The following PEX11B variants were observed in gnomAD, a reference collection of about 807,000 sequenced individuals.
The protein encoded by PEX11B is peroxisomal biogenesis factor 11 beta, also known as peroxisomal membrane protein 11B.
In PEX11B, 18 loss-of-function variants were observed where a neutral mutation model predicts 28.2. That is an observed-to-expected ratio of 0.64 (90% CI 0.44 to 0.95). PEX11B has a LOEUF of 0.95. Among genes scored for constraint, PEX11B ranks in the 40% least tolerant of loss-of-function variants. PEX11B has a pLI of 0.00. For synonymous variants in PEX11B, 128 were observed against 128.7 expected, an observed-to-expected ratio of 0.99 and a Z score of 0.04; for missense variants, 305 against 319.8, an observed-to-expected ratio of 0.95 and a Z score of 0.35.
At chr1:145,918,026 T>C (rs10910821) in intron 1 of PEX11B, 86,271 of 984,262 alleles carry the variant, frequency 0.088, 14,734 homozygotes, top group African/African-American at 0.66. Flanking sequence ...GGGAGCACTA[T>C]TGAATGTTGA....
At chr1:145,918,033 T>C (rs782449299) in intron 1 of PEX11B, 91 of 984,738 alleles carry the variant, frequency 9.2e-5, no homozygotes, top group Non-Finnish European at 1.1e-4. Flanking sequence ...CTATTGAATG[T>C]TGAGCAAATT....
chr1:145,918,494 GCCT>G, intron 1 of PEX11B, 136 bp downstream of exon 1: 5 of 1,537,486 alleles, frequency 3.3e-6, no homozygotes, highest in Non-Finnish European at 4.4e-6. Context: ...TCAAATCTGC[GCCT>G]CACGGTCCGT....
In PEX11B at chr1:145,918,672, C is replaced by A. The variant is rs782079038; in HGVS notation, c.17G>T (p.Arg6Leu). MDAWV[R>L]FSAQSQARER... ...CCGGGCTTGGCTCTGAGCACTGAAG[C>A]GGACCCAGGCGTCCATGACAGCCGC... The change falls in exon 1 of 4, where the codon CGC becomes CTC. Residue 6 changes from arginine (R) to leucine (L), a missense_variant. By Grantham distance (102) the Arg-to-Leu change is moderately radical (BLOSUM62 -2). Coordinates refer to ENST00000369306, the MANE Select transcript of PEX11B (RefSeq NM_003846.3). The A allele has an allele frequency of 7.6e-6, 12 of 1,583,624 alleles. No individual in the cohort carries two copies. Among genetic ancestry groups the A allele is most frequent in the Non-Finnish European group, 1.0e-5 (12 of 1,166,092 alleles).
chr1:145,913,271 T>C lies in PEX11B; in HGVS notation c.375-705A>G, dbSNP rs377347840. 1.8e-3 allele frequency among the ~76,000 whole-genome samples: 273 copies of C among 152,246 alleles called. 3 individuals are homozygous for C. The highest frequency in any genetic ancestry group is 0.013 in the South Asian group (65 of 4,828). ...CTATAGTTAACAATACTGTATTGTA[T>C]ATTTGAAATCTGCCAGGAAGGTAGA... is the stretch of plus-strand genomic sequence containing the variant. On this transcript the variant is annotated intron_variant, in intron 3 of 3. Coordinates refer to ENST00000369306, the MANE Select transcript of PEX11B (RefSeq NM_003846.3).
rs1553753326 is a variant in PEX11B, at chr1:145,912,526, C to T, written c.415G>A (p.Ala139Thr). 6.7e-7 allele frequency: 1 copy of T among 1,493,322 alleles called. No homozygotes were observed. Among genetic ancestry groups the T allele is most frequent in the Non-Finnish European group, 8.9e-7 (1 of 1,121,250 alleles). The allele number at this position is 1,493,322 out of a possible 1,614,324, so 92.5% of individuals were successfully genotyped here. ...TCCATCAGTAGGCGAATCTCATAAG[C>T]ATCACGGCTCAAATTCATGATGAGG... ...FSLIMNLSRDAYEIRLLMEQE... is the reference protein window; with the variant it reads ...FSLIMNLSRDTYEIRLLMEQE... Residue 139 changes from alanine (A) to threonine (T), a missense_variant, in exon 4 of 4, where the codon GCT becomes ACT. Transcript: ENST00000369306.
In PEX11B at chr1:145,913,282, T is replaced by C. The variant is rs1193420502; in HGVS notation, c.375-716A>G. ...AATACTGTATTGTATATTTGAAATC[T>C]GCCAGGAAGGTAGATCTTAAGTGTT... On this transcript the variant is annotated intron_variant, in intron 3 of 3. Transcript: ENST00000369306. Among the ~76,000 whole-genome samples, 4 of 152,234 alleles carry C rather than the reference T, an allele frequency of 2.6e-5. No homozygotes were observed. In the Middle Eastern group the frequency reaches 0.014, roughly 518 times the overall value.
rs1657828518 is a variant in PEX11B, at chr1:145,912,243, CCAGGGCCA to C, written c.690_697del (p.Cys230TrpfsTer80). On this transcript the variant is annotated frameshift_variant, in exon 4 of 4. Coordinates refer to ENST00000369306, the MANE Select transcript of PEX11B (RefSeq NM_003846.3). LOFTEE classifies it high-confidence loss of function. ...CACGAGGCCACAAAGCCCCACAATC[CCAGGGCCA>C]CAGCGCCAGAGGCCTAGTTTGTCCA... 1 of 1,613,830 alleles carries C rather than the reference CCAGGGCCA, an allele frequency of 6.2e-7. No individual in the cohort carries two copies. Among genetic ancestry groups the C allele is most frequent in the African/African-American group, 1.3e-5 (1 of 74,856 alleles).
chr1:145,917,631 A>G, intron 2 of PEX11B, 70 bp downstream of exon 2: 1 of 861,118 alleles, frequency 1.2e-6, no homozygotes. Flanking sequence ...TACAGGAAGG[A>G]GGGACAAAGG....
intron 3 of PEX11B, 129 bp downstream of exon 3, chr1:145,916,688 G>A: frequency 1.5e-6 from 1 of 661,172 alleles, no homozygotes; most frequent in South Asian, 1.8e-5. Flanking sequence ...CTAAGTGATT[G>A]GAAGCCAAGT....
chr1:145,918,138 G>C, intron 1 of PEX11B: 4 of 985,474 alleles, frequency 4.1e-6, no homozygotes, highest in Non-Finnish European at 4.8e-6. Context: ...GATCGATGAG[G>C]GGGAGGCAGA....
chr1:145,916,882 C>T lies in PEX11B; in HGVS notation c.309G>A (p.Leu103=), dbSNP rs1345941655. Reference sequence around the variant, plus strand: ...GAGCCAGTCCAGACTTTCCAGCCCACAGGACATTGTCACAGGCGAAGTACA... The same window carrying T: ...GAGCCAGTCCAGACTTTCCAGCCCATAGGACATTGTCACAGGCGAAGTACA... The part of the protein sequence containing the change: ...RALYFACDNV[L]WAGKSGLAPR... Residue 103 remains leucine, a synonymous_variant, in exon 3 of 4, where the codon CTG becomes CTA. Coordinates refer to ENST00000369306, the MANE Select transcript of PEX11B (RefSeq NM_003846.3). 2 of 1,614,134 alleles carry T rather than the reference C, an allele frequency of 1.2e-6. No homozygotes were observed. Among genetic ancestry groups the T allele is most frequent in the African/African-American group, 1.3e-5 (1 of 75,038 alleles).
At chr1:145,916,687 T>G (rs1553753943) in intron 3 of PEX11B, 130 bp downstream of exon 3, 2 of 659,126 alleles carry the variant, frequency 3.0e-6, no homozygotes, top group African/African-American at 3.6e-5. Context: ...TCTAAGTGAT[T>G]GGAAGCCAAG....
At chr1:145,915,777 GTGCCCGCCACCAC>G (rs1647344053) in intron 3 of PEX11B, among the ~76,000 whole-genome samples, 1 of 151,866 alleles carries the variant, frequency 6.6e-6, no homozygotes, top group Admixed American at 6.6e-5. Context: ...GGGATTACAG[GTGCCCGCCACCAC>G]ACCTGGCTAA....
At position 145,912,653 on chromosome 1, in the gene PEX11B, A is replaced by G. The variant is rs1657861010; in HGVS notation, c.375-87T>C. 6.5e-6 allele frequency: 6 copies of G among 927,052 alleles called. No homozygotes were observed. The South Asian group carries it at 1.4e-4, about 21-fold the overall frequency. 57.4% of individuals were successfully genotyped at this position (927,052 alleles called of 1,614,324 possible). ...ACATTTTAACATTTTCTTTTCCTGTAGCAAAGAGATTACACATTAGATCAG... is the reference window on the plus strand; with the variant it reads ...ACATTTTAACATTTTCTTTTCCTGTGGCAAAGAGATTACACATTAGATCAG... On this transcript the variant is annotated intron_variant, in intron 3 of 3. Transcript: ENST00000369306.
At chr1:145,918,547 C>A in intron 1 of PEX11B, 86 bp downstream of exon 1, 1 of 1,548,030 alleles carries the variant, frequency 6.5e-7, no homozygotes, top group Non-Finnish European at 8.7e-7. Flanking sequence ...CTTGACCCCC[C>A]TGTAGCCTAA....
chr1:145,918,432 C>T, intron 1 of PEX11B: 1 of 1,536,188 alleles, frequency 6.5e-7, no homozygotes, highest in Non-Finnish European at 8.7e-7. Context: ...CCACTCATGC[C>T]TCAGTTTCCC....
At chr1:145,918,368 G>A (rs1647536268) in intron 1 of PEX11B, 3 of 1,532,934 alleles carry the variant, frequency 2.0e-6, no homozygotes, top group South Asian at 2.4e-5. Flanking sequence ...CGCCCAGTGA[G>A]GACACTGTCG....
intron 1 of PEX11B, 30 bp downstream of exon 1, chr1:145,918,603 G>T (rs1181378051): frequency 2.0e-6 from 1 of 502,790 alleles, no homozygotes; most frequent in Non-Finnish European, 3.0e-6. Context: ...TCCCTCCCCC[G>T]CCCCACCCCC....
chr1:145,915,110 T>A (rs1306931475), intron 3 of PEX11B, among the ~76,000 whole-genome samples: 1 of 152,156 alleles, frequency 6.6e-6, no homozygotes, highest in East Asian at 1.9e-4. Flanking sequence ...TCCATGCCGG[T>A]CAGGCTGGTC....
Sources: gnomAD v4.1 joint callset for allele counts (sites outside exome capture counted in the v4.1 genomes callset) on GRCh38, gnomAD v4.1.1 for gene constraint, MANE v1.5 for transcripts, NCBI Gene and HGNC (gene_info 2026-07-23, HGNC 2026-07-21) for gene names.